CACNA1C: variants seen among roughly 807,000 people sequenced by gnomAD.
CACNA1C encodes the protein calcium voltage-gated channel subunit alpha1 C.
CACNA1C carries 30 observed loss-of-function variants against 229.0 expected under a neutral mutation model. The observed-to-expected ratio is 0.13, with a 90% CI of 0.10 to 0.18. The LOEUF is 0.18. Ranked by LOEUF, CACNA1C falls within the 10% of genes least tolerant of loss-of-function variation. The pLI, the probability that CACNA1C is intolerant of heterozygous loss-of-function variation, is 1.00. For missense variants in CACNA1C, 1,658 were observed against 2,845.0 expected (o/e 0.58, Z 9.49); for synonymous variants, 1,114 against 1,132.5 (o/e 0.98, Z 0.33).
rs114508641 is a variant in CACNA1C at position 2,540,576 on chromosome 12, G to A, written c.1391-9367G>A. On this transcript the variant is annotated intron_variant, in intron 9 of 46. Coordinates refer to ENST00000399655, the MANE Select transcript of CACNA1C (RefSeq NM_000719.7). The stretch of plus-strand genomic sequence containing the variant: ...CCCTCCACTGCTGTGGTGTGAGAGC[G>A]GTGATAGACAGCACACACAGGGCAC... Among the ~76,000 whole-genome samples, 436 of 152,236 alleles carry A rather than the reference G, an allele frequency of 2.9e-3. 6 individuals are homozygous for A. The highest frequency in any genetic ancestry group is 1.0e-2 in the African/African-American group (415 of 41,512).
chr12:2,644,242 G>A (rs560885744), intron 30 of CACNA1C, among the ~76,000 whole-genome samples: 1 of 152,122 alleles, frequency 6.6e-6, no homozygotes, highest in Non-Finnish European at 1.5e-5. Context: ...TTTTCTGTAG[G>A]GCTAAGACCA....
chr12:2,281,313 CAAT>C lies in CACNA1C; in HGVS notation c.477+160884_477+160886del, dbSNP rs539843136. Among the ~76,000 whole-genome samples the C allele has an allele frequency of 1.8e-4, 28 of 152,232 alleles. No individual in the cohort carries two copies. The South Asian group carries it at 5.8e-3, about 32-fold the overall frequency. On this transcript the variant is annotated intron_variant, in intron 3 of 46. Transcript: ENST00000399655. ...TTGTTACTATTTTTGTTTAGGCAGT[CAAT>C]GATCTTTTCAATGAAAATCATATAT...
chr12:2,137,239 G>T (rs2093627721), intron 3 of CACNA1C, among the ~76,000 whole-genome samples: 1 of 151,334 alleles, frequency 6.6e-6, no homozygotes, highest in African/African-American at 2.4e-5. Context: ...CCTGGGCTCT[G>T]GTTCCAGTTC....
intron 9 of CACNA1C, among the ~76,000 whole-genome samples, chr12:2,521,548 G>T (rs1480774290): frequency 6.6e-6 from 1 of 152,172 alleles, no homozygotes; most frequent in Non-Finnish European, 1.5e-5. Flanking sequence ...CAGGGTCCCA[G>T]CCCAAACCAG....
intron 3 of CACNA1C, among the ~76,000 whole-genome samples, chr12:2,423,714 C>A (rs1471216612): frequency 6.6e-6 from 1 of 152,144 alleles, no homozygotes; most frequent in East Asian, 1.9e-4. Context: ...ACCCCAGTGA[C>A]CCCAGAATTT....
rs778690314 is a variant in CACNA1C, at chr12:2,694,213, G to A, written c.*3014G>A. On this transcript the variant is annotated 3_prime_UTR_variant, in exon 47 of 47. Coordinates refer to ENST00000399655, the MANE Select transcript of CACNA1C (RefSeq NM_000719.7). ...GACTGGCGTATGATGCCTGTCATCA[G>A]AACAGACTGGCACAAGTAGTGACAT... 2.0e-5 allele frequency: 3 copies of A among 152,264 alleles called. No homozygotes were observed. Among genetic ancestry groups the A allele is most frequent in the African/African-American group, 2.4e-5 (1 of 41,468 alleles). The allele number at this position is 152,264 out of a possible 1,614,324, so 9.4% of individuals were successfully genotyped here. A position where few individuals can be genotyped will look rare whatever the true frequency, so the allele number is the denominator to read the frequency against.
rs1352980210 is a variant in CACNA1C, at chr12:2,067,325, G to A, written c.49+13714G>A. Among the ~76,000 whole-genome samples, 1 of 152,110 alleles carries A rather than the reference G, an allele frequency of 6.6e-6. No individual in the cohort carries two copies. The highest frequency in any genetic ancestry group is 1.5e-5 in the Non-Finnish European group (1 of 68,018). On this transcript the variant is annotated intron_variant, in intron 1 of 46. Transcript: ENST00000399655. The surrounding 1 kb of genome is among the most constrained non-coding windows in gnomAD (Gnocchi z 5.3). ...CCAATGGGCCCCTTGAGCTCTGAGT[G>A]GATGCACAAAGGGCCAGGTGGACTT...
intron 29 of CACNA1C, among the ~76,000 whole-genome samples, chr12:2,621,867 G>A (rs904321941): frequency 1.3e-5 from 2 of 152,190 alleles, no homozygotes; most frequent in African/African-American, 4.8e-5. Context: ...AAAATGTCAC[G>A]TAGGCTGTGA....
upstream of CACNA1C, among the ~76,000 whole-genome samples, chr12:2,051,997 G>T (rs1369720814): frequency 6.6e-6 from 1 of 152,184 alleles, no homozygotes; most frequent in Non-Finnish European, 1.5e-5. Context: ...TTTTCCCCAA[G>T]AGGGAGTTGT....
At position 2,090,024 on chromosome 12, in the gene CACNA1C, G is replaced by A. The variant is rs760661405; in HGVS notation, c.50-25200G>A. 3.1e-4 allele frequency among the ~76,000 whole-genome samples: 47 copies of A among 151,868 alleles called. 1 individual carries two copies. Among genetic ancestry groups the A allele is most frequent in the East Asian group, 3.9e-4 (2 of 5,162 alleles). ...AGCCTGGGTGACAGTGTGAGACTCC[G>A]TCTCAAAGGAAAAAAAAGAAATGAA... On this transcript the variant is annotated intron_variant, in intron 1 of 46. Coordinates refer to ENST00000399655, the MANE Select transcript of CACNA1C (RefSeq NM_000719.7).
chr12:2,035,876 T>A (rs553122509), intron 1 of CACNA1C, among the ~76,000 whole-genome samples: 1 of 152,350 alleles, frequency 6.6e-6, no homozygotes, highest in East Asian at 1.9e-4. Flanking sequence ...AGCGAGTTCT[T>A]CTTTATGCCG....
At chr12:2,535,697 C>A (rs1399014379) in intron 9 of CACNA1C, among the ~76,000 whole-genome samples, 2 of 95,568 alleles carry the variant, frequency 2.1e-5, no homozygotes, top group Admixed American at 2.6e-4. Context: ...CAGAGCAAGA[C>A]CCTGTCTAAA....
At chr12:2,507,723 C>T (rs2154578314) in intron 8 of CACNA1C, among the ~76,000 whole-genome samples, 1 of 152,330 alleles carries the variant, frequency 6.6e-6, no homozygotes, top group African/African-American at 2.4e-5. Flanking sequence ...TTCCTGTGTC[C>T]ATTCTACAGA....
At chr12:2,075,033 A>G (rs970809421) in intron 1 of CACNA1C, among the ~76,000 whole-genome samples, 3 of 152,206 alleles carry the variant, frequency 2.0e-5, no homozygotes, top group African/African-American at 7.2e-5. Context: ...AGGGCCATTT[A>G]CTTAACATAA....
At chr12:2,652,757 G>T (rs2153659609) in intron 32 of CACNA1C, among the ~76,000 whole-genome samples, 1 of 152,364 alleles carries the variant, frequency 6.6e-6, no homozygotes, top group African/African-American at 2.4e-5. Context: ...ATGAGCTGGG[G>T]CTCCTGCACT....
rs1221814364 is a variant in CACNA1C, at chr12:2,566,240, C to T, written c.1509-182C>T. 2.6e-5 allele frequency among the ~76,000 whole-genome samples: 4 copies of T among 152,216 alleles called. No individual in the cohort carries two copies. Among genetic ancestry groups the T allele is most frequent in the African/African-American group, 9.6e-5 (4 of 41,458 alleles). On this transcript the variant is annotated intron_variant, in intron 11 of 46. Coordinates refer to ENST00000399655, the MANE Select transcript of CACNA1C (RefSeq NM_000719.7). This position sits in a 1 kb window ranked among gnomAD's most constrained non-coding sequence, Gnocchi z 4.0. ...ACTGAAGCTTGGAGGAGTTCAGGGG[C>T]ATCCCCAAGGCGGCAGGGCCTGGTT... is the stretch of plus-strand genomic sequence containing the variant.
intron 1 of CACNA1C, among the ~76,000 whole-genome samples, chr12:2,075,953 C>G (rs145281458): frequency 1.3e-5 from 2 of 152,274 alleles, no homozygotes; most frequent in Non-Finnish European, 2.9e-5. Context: ...TCTGCATGCT[C>G]AGAGATAAAA....
intron 1 of CACNA1C, among the ~76,000 whole-genome samples, chr12:2,035,182 A>C (rs1189759580): frequency 6.6e-6 from 1 of 152,184 alleles, no homozygotes; most frequent in African/African-American, 2.4e-5. Flanking sequence ...CGTCTGCGCC[A>C]AGGCACGTTC....
Position 2,626,942 on chromosome 12 carries a change from T to C in CACNA1C, c.3829-7355T>C, listed in dbSNP as rs2087017358. Among the ~76,000 whole-genome samples the C allele has an allele frequency of 2.6e-5, 4 of 152,188 alleles. No homozygotes were observed. The South Asian group carries it at 6.2e-4, about 24-fold the overall frequency. ...AAATGGACGAAGGCCTTCAAAAATG[T>C]CCTGGGGAGGATAAGCCTTAATTCC... On this transcript the variant is annotated intron_variant, in intron 29 of 46. Coordinates refer to ENST00000399655, the MANE Select transcript of CACNA1C (RefSeq NM_000719.7).
Sources: gnomAD v4.1 joint callset for allele counts (sites outside exome capture counted in the v4.1 genomes callset) on GRCh38, gnomAD v4.1.1 for gene constraint, Gnocchi (gnomAD v3.1) non-coding constraint, MANE v1.5 for transcripts, NCBI Gene and HGNC (gene_info 2026-07-23, HGNC 2026-07-21) for gene names.